Variants in AGBL1 observed in about 807,000 individuals in gnomAD.
AGBL1 encodes the protein AGBL carboxypeptidase 1, also known as cytosolic carboxypeptidase 4.
AGBL1 carries 130 observed loss-of-function variants against 118.9 expected under a neutral mutation model. The ratio of observed to expected loss-of-function variants is 1.09; its 90% CI spans 0.95 to 1.26. The LOEUF (loss-of-function observed/expected upper bound fraction) is 1.26, where lower values mean the gene tolerates loss of function less well. Among genes scored for constraint, AGBL1 ranks in the 50% most tolerant of loss-of-function variants. The probability of loss-of-function intolerance (pLI) is 0.00; values close to 1 mark genes in which losing one functional copy is unlikely to be tolerated. For synonymous variants in AGBL1, 555 were observed against 478.9 expected (o/e 1.16, Z -2.08); for missense variants, 1,584 against 1,298.1 (o/e 1.22, Z -3.38).
intron 19 of AGBL1, among the ~76,000 whole-genome samples, chr15:86,537,897 T>C (rs1288468153): frequency 6.6e-6 from 1 of 152,134 alleles, no homozygotes; most frequent in African/African-American, 2.4e-5. Context: ...AAATAAATAA[T>C]AGACGTTAAA....
At chr15:86,369,307 T>G (rs1255865448) in intron 17 of AGBL1, among the ~76,000 whole-genome samples, 1 of 152,220 alleles carries the variant, frequency 6.6e-6, no homozygotes, top group Non-Finnish European at 1.5e-5. Context: ...TAATGGGTAC[T>G]TAAAATATGT....
chr15:86,301,875 A>G (rs1281934526), intron 17 of AGBL1, among the ~76,000 whole-genome samples: 4 of 152,150 alleles, frequency 2.6e-5, no homozygotes, highest in African/African-American at 9.7e-5. Context: ...CTTTGCTTTC[A>G]AAGAAAGCTC....
At chr15:86,830,138 G>T (rs957928640) in intron 22 of AGBL1, among the ~76,000 whole-genome samples, 1 of 151,372 alleles carries the variant, frequency 6.6e-6, no homozygotes. Flanking sequence ...CTTTTTTTGA[G>T]GTATAACGCA....
chr15:86,127,961 T>C (rs992633445), intron 1 of AGBL1, among the ~76,000 whole-genome samples: 1 of 152,210 alleles, frequency 6.6e-6, no homozygotes, highest in African/African-American at 2.4e-5. Flanking sequence ...CTTTAGGACC[T>C]TCTATGAATT....
At chr15:86,288,806 C>A (rs935329070) in intron 16 of AGBL1, among the ~76,000 whole-genome samples, 1 of 151,814 alleles carries the variant, frequency 6.6e-6, no homozygotes, top group Non-Finnish European at 1.5e-5. Flanking sequence ...TTAAAATCTC[C>A]CACTCCGAGA....
intron 18 of AGBL1, among the ~76,000 whole-genome samples, chr15:86,512,289 A>G (rs779877445): frequency 1.3e-4 from 20 of 151,946 alleles, no homozygotes; most frequent in Non-Finnish European, 2.4e-4. Context: ...TTTTTCTAAT[A>G]TATTTCTAAG....
intron 21 of AGBL1, among the ~76,000 whole-genome samples, chr15:86,609,593 C>A (rs2084630222): frequency 6.6e-6 from 1 of 152,132 alleles, no homozygotes; most frequent in Non-Finnish European, 1.5e-5. Flanking sequence ...AATCATAGGA[C>A]ACATTGCATT....
intron 17 of AGBL1, among the ~76,000 whole-genome samples, chr15:86,387,919 G>A (rs2081220603): frequency 6.6e-6 from 1 of 152,180 alleles, no homozygotes; most frequent in Non-Finnish European, 1.5e-5. Context: ...GAGGTCACAT[G>A]TCAGGTTTTG....
chr15:86,138,127 C>T (rs138990728), intron 1 of AGBL1: 114 of 152,264 alleles, frequency 7.5e-4, no homozygotes, highest in African/African-American at 2.7e-3. Flanking sequence ...TTCTTGCCCA[C>T]AAATAATGTG....
chr15:86,632,265 C>G (rs2084983850), intron 21 of AGBL1, among the ~76,000 whole-genome samples: 6 of 108,816 alleles, frequency 5.5e-5, no homozygotes. Flanking sequence ...AAGACCCTGT[C>G]TTTCTCTTTA....
At chr15:86,967,617 T>C (rs190882221) in intron 23 of AGBL1, among the ~76,000 whole-genome samples, 79 of 152,256 alleles carry the variant, frequency 5.2e-4, no homozygotes, top group African/African-American at 1.8e-3. Flanking sequence ...GTCAGGTTTG[T>C]CAAAGATCAG....
intron 21 of AGBL1, among the ~76,000 whole-genome samples, chr15:86,556,508 G>C (rs186363725): frequency 1.6e-4 from 24 of 152,294 alleles, no homozygotes; most frequent in Admixed American, 1.3e-3. Flanking sequence ...GAGTAACTGA[G>C]CAGAATCACA....
At chr15:86,146,152 T>C (rs973209689) in intron 3 of AGBL1, among the ~76,000 whole-genome samples, 7 of 152,228 alleles carry the variant, frequency 4.6e-5, no homozygotes, top group South Asian at 2.1e-4. Context: ...ATGTATAAAA[T>C]AGAGCTATCT....
At chr15:86,421,753 G>A (rs1461244386) in intron 18 of AGBL1, among the ~76,000 whole-genome samples, 1 of 152,150 alleles carries the variant, frequency 6.6e-6, no homozygotes, top group African/African-American at 2.4e-5. Flanking sequence ...AGGGATGGAG[G>A]AAGATTTAGC....
In AGBL1 at chr15:86,240,966, A is replaced by G. The variant is rs111950510; in HGVS notation, c.527-6705A>G. On this transcript the variant is annotated intron_variant, in intron 6 of 22. Coordinates refer to ENST00000614907, the MANE Select transcript of AGBL1 (RefSeq NM_001386094.1). Reference sequence around the variant, plus strand: ...TTAGAAGATTAACTAATCTCCTAAAAAGGCTTTAGAGTAATGAGACTCAAT... The same window carrying G: ...TTAGAAGATTAACTAATCTCCTAAAGAGGCTTTAGAGTAATGAGACTCAAT... Among the ~76,000 whole-genome samples the G allele has an allele frequency of 1.6e-4, 25 of 152,216 alleles. 1 individual carries two copies. Among genetic ancestry groups the G allele is most frequent in the African/African-American group, 5.8e-4 (24 of 41,458 alleles).
At chr15:86,714,242 A>T (rs1191975098) in intron 22 of AGBL1, among the ~76,000 whole-genome samples, 1 of 152,228 alleles carries the variant, frequency 6.6e-6, no homozygotes, top group Non-Finnish European at 1.5e-5. Flanking sequence ...TGGCAAAGGC[A>T]CATTTTACTG....
At position 86,184,429 on chromosome 15, in the gene AGBL1, C is replaced by CTTTT. The variant is rs199807402; in HGVS notation, c.488+25406_488+25407insTTTT. Among the ~76,000 whole-genome samples the CTTTT allele has an allele frequency of 6.6e-4, 95 of 144,466 alleles. 1 individual carries two copies. Among genetic ancestry groups the CTTTT allele is most frequent in the African/African-American group, 2.1e-3 (82 of 39,794 alleles). 94.8% of individuals were successfully genotyped at this position (144,466 alleles called of 152,430 possible). A position where few individuals can be genotyped will look rare whatever the true frequency, so the allele number is the denominator to read the frequency against. ...ACGATCTATTCCTTATTTCTTTTTT[C>CTTTT]TTTCTTTTTTTTTTTTTTTGTCTCA... On this transcript the variant is annotated intron_variant, in intron 5 of 22. Transcript: ENST00000614907.
intron 22 of AGBL1, among the ~76,000 whole-genome samples, chr15:86,860,611 G>A (rs927259673): frequency 6.6e-6 from 1 of 152,000 alleles, no homozygotes; most frequent in African/African-American, 2.4e-5. Flanking sequence ...TTATGCTTTG[G>A]TGCCTTGTCC....
chr15:86,441,588 G>T (rs1384933889), intron 18 of AGBL1, among the ~76,000 whole-genome samples: 2 of 152,186 alleles, frequency 1.3e-5, no homozygotes, highest in African/African-American at 2.4e-5. Context: ...CCATGCCAAG[G>T]CCTTACCATT....
Sources: allele counts gnomAD v4.1 joint callset (sites outside exome capture counted in the v4.1 genomes callset), GRCh38; gene constraint gnomAD v4.1.1; transcripts MANE v1.5; gene names NCBI Gene and HGNC (gene_info 2026-07-23, HGNC 2026-07-21).